DCC: variants seen among roughly 807,000 people sequenced by gnomAD.
The protein encoded by DCC is DCC netrin 1 receptor, also known as netrin receptor DCC.
DCC carries 58 observed loss-of-function variants against 172.5 expected under a neutral mutation model. That is an observed-to-expected ratio of 0.34 (90% CI 0.27 to 0.42). The LOEUF is 0.42. Ranked by LOEUF, DCC falls within the 10% of genes least tolerant of loss-of-function variation. DCC has a pLI of 1.00. For synonymous variants in DCC, 709 were observed against 644.5 expected, an observed-to-expected ratio of 1.10 and a Z score of -1.52; for missense variants, 1,740 against 1,791.0, an observed-to-expected ratio of 0.97 and a Z score of 0.51.
Position 53,365,750 on chromosome 18 carries a change from A to G in DCC, c.2360-20293A>G, listed in dbSNP as rs539411262. On this transcript the variant is annotated intron_variant, in intron 15 of 28. Transcript: ENST00000442544. Reference sequence around the variant, plus strand: ...GAATTATTAATTTGAGAATCAGTCAACTACATACTTCTGTGACATCAAAAA... The same window carrying G: ...GAATTATTAATTTGAGAATCAGTCAGCTACATACTTCTGTGACATCAAAAA... Among the ~76,000 whole-genome samples, 8 of 152,274 alleles carry G rather than the reference A, an allele frequency of 5.3e-5. No individual in the cohort carries two copies. The East Asian group carries it at 1.2e-3, about 22-fold the overall frequency.
intron 1 of DCC, among the ~76,000 whole-genome samples, chr18:52,554,332 A>T (rs1405193202): frequency 1.3e-5 from 2 of 152,128 alleles, no homozygotes; most frequent in African/African-American, 4.8e-5. Flanking sequence ...ATCAACCTGG[A>T]TGAATGCTTC....
chr18:52,385,402 T>C lies in DCC; in HGVS notation c.91+44524T>C, dbSNP rs7230304. 7.9e-5 allele frequency among the ~76,000 whole-genome samples: 12 copies of C among 151,794 alleles called. 1 individual carries two copies. The highest frequency in any genetic ancestry group is 1.0e-4 in the Non-Finnish European group (7 of 67,944). ...GCAATTCTCCTGCCTCAGTCTCCCA[T>C]GTAGCTAGGACTACAGGCCCCCAAC... On this transcript the variant is annotated intron_variant, in intron 1 of 28. Transcript: ENST00000442544.
At chr18:52,959,531 T>G (rs1421490093) in intron 5 of DCC, among the ~76,000 whole-genome samples, 1 of 148,444 alleles carries the variant, frequency 6.7e-6, no homozygotes, top group East Asian at 1.9e-4. Context: ...GTCACCCAGA[T>G]AGTGTGACGG....
intron 2 of DCC, among the ~76,000 whole-genome samples, chr18:52,768,104 T>G (rs1426215484): frequency 6.6e-6 from 1 of 152,194 alleles, no homozygotes; most frequent in Non-Finnish European, 1.5e-5. Context: ...TAAAACAAGG[T>G]GACATATTAA....
rs78655617 is a variant in DCC, at chr18:52,568,644, G to T, written c.92-183410G>T. 3.6e-3 allele frequency among the ~76,000 whole-genome samples: 553 copies of T among 151,980 alleles called. 6 individuals are homozygous for T. Among genetic ancestry groups the T allele is most frequent in the African/African-American group, 0.013 (526 of 41,452 alleles). On this transcript the variant is annotated intron_variant, in intron 1 of 28. Transcript: ENST00000442544. ...TGGACAAATTAAAGAGTATAATTCT[G>T]TGAGTTTCATATGTTTACTATATGT...
At chr18:52,491,147 T>G (rs979420516) in intron 1 of DCC, among the ~76,000 whole-genome samples, 3 of 152,076 alleles carry the variant, frequency 2.0e-5, no homozygotes, top group Admixed American at 6.6e-5. Context: ...AGTTTTTTCC[T>G]CTTTTCTCTT....
intron 1 of DCC, among the ~76,000 whole-genome samples, chr18:52,609,750 T>C (rs2034209978): frequency 6.6e-6 from 1 of 151,964 alleles, no homozygotes; most frequent in Non-Finnish European, 1.5e-5. Context: ...TGTCAAATTA[T>C]GTGTTCTGAA....
At chr18:53,488,416 G>A (rs1280093266) in intron 26 of DCC, among the ~76,000 whole-genome samples, 2 of 151,858 alleles carry the variant, frequency 1.3e-5, no homozygotes, top group African/African-American at 4.8e-5. Flanking sequence ...GACCTTTATC[G>A]GGTTTCTCCA....
intron 7 of DCC, among the ~76,000 whole-genome samples, chr18:53,147,729 T>G (rs1156271669): frequency 1.3e-5 from 2 of 152,222 alleles, no homozygotes; most frequent in Non-Finnish European, 2.9e-5. Context: ...GCAACTCTGA[T>G]TCTCAGATAA....
At chr18:53,066,373 ATATATATATATATATATATATATATG>A (rs907335974) in intron 7 of DCC, among the ~76,000 whole-genome samples, 20 of 61,368 alleles carry the variant, frequency 3.3e-4, no homozygotes, top group Non-Finnish European at 4.5e-4. Flanking sequence ...ATATATATAT[ATATATATATATATATATATATATATG>A]TGCATGTGTG....
At position 52,737,978 on chromosome 18, in the gene DCC, C is replaced by A. The variant is rs541953034; in HGVS notation, c.92-14076C>A. Among the ~76,000 whole-genome samples the A allele has an allele frequency of 1.4e-4, 21 of 152,222 alleles. No homozygotes were observed. The South Asian group carries it at 3.9e-3, about 29-fold the overall frequency. On this transcript the variant is annotated intron_variant, in intron 1 of 28. Transcript: ENST00000442544. ...CATCAGACTACAGCCCAAAGGAGGG[C>A]CAACTTTGGCCCTCTGCCTGTTTTT...
intron 7 of DCC, among the ~76,000 whole-genome samples, chr18:53,084,085 C>T (rs868376542): frequency 6.6e-6 from 1 of 152,234 alleles, no homozygotes; most frequent in South Asian, 2.1e-4. Flanking sequence ...TCAATTCTTA[C>T]ATTTATGGAG....
intron 2 of DCC, among the ~76,000 whole-genome samples, chr18:52,873,032 T>C (rs1254157691): frequency 1.3e-5 from 2 of 152,210 alleles, no homozygotes; most frequent in East Asian, 3.8e-4. Flanking sequence ...ACAGTCTATT[T>C]GTAATATAAG....
At chr18:53,048,674 G>GATAT (rs1320406831) in intron 5 of DCC, among the ~76,000 whole-genome samples, 1 of 149,610 alleles carries the variant, frequency 6.7e-6, no homozygotes, top group Non-Finnish European at 1.5e-5. Flanking sequence ...ATGTATATAT[G>GATAT]ATATATATAT....
chr18:53,005,453 G>A (rs1030459094), intron 5 of DCC, among the ~76,000 whole-genome samples: 8 of 152,092 alleles, frequency 5.3e-5, no homozygotes, highest in Admixed American at 1.3e-4. Context: ...GAATCTTGTC[G>A]CTGAGCATGG....
At chr18:53,501,435 C>G (rs2046096059) in intron 27 of DCC, among the ~76,000 whole-genome samples, 1 of 151,926 alleles carries the variant, frequency 6.6e-6, no homozygotes, top group Non-Finnish European at 1.5e-5. Context: ...AAGAAAAAGA[C>G]TAATAAAACG....
intron 1 of DCC, among the ~76,000 whole-genome samples, chr18:52,362,783 C>A (rs940311347): frequency 2.0e-5 from 3 of 151,972 alleles, no homozygotes; most frequent in African/African-American, 7.3e-5. Flanking sequence ...TCTTTTAGCC[C>A]CCCCCACTCC....
intron 13 of DCC, among the ~76,000 whole-genome samples, chr18:53,313,378 T>A (rs1047957833): frequency 2.0e-5 from 3 of 152,048 alleles, no homozygotes; most frequent in Non-Finnish European, 4.4e-5. Context: ...CCTGAATAGC[T>A]GGGATTACAG....
At chr18:52,594,223 A>T (rs1476632585) in intron 1 of DCC, among the ~76,000 whole-genome samples, 1 of 152,240 alleles carries the variant, frequency 6.6e-6, no homozygotes, top group Admixed American at 6.5e-5. Flanking sequence ...TAGATTAAGA[A>T]CTGATCCACA....
Sources: allele counts gnomAD v4.1 joint callset (sites outside exome capture counted in the v4.1 genomes callset), GRCh38; gene constraint gnomAD v4.1.1; transcripts MANE v1.5; gene names NCBI Gene and HGNC (gene_info 2026-07-23, HGNC 2026-07-21).